The following NELL1 variants were observed in gnomAD, a reference collection of about 807,000 sequenced individuals.
NELL1 encodes neural EGFL like 1.
NELL1 carries 76 observed loss-of-function variants against 107.4 expected under a neutral mutation model. The ratio of observed to expected loss-of-function variants is 0.71; its 90% CI spans 0.59 to 0.86. NELL1 has a LOEUF of 0.86. Among genes scored for constraint, NELL1 ranks in the 40% least tolerant of loss-of-function variants. The pLI is 0.00. For missense variants in NELL1, 1,024 were observed against 1,005.5 expected (o/e 1.02, Z -0.25); for synonymous variants, 353 against 341.2 (o/e 1.03, Z -0.38).
chr11:20,669,733 G>C lies in NELL1; in HGVS notation c.10G>C (p.Asp4His). 1 of 1,613,680 alleles carries C rather than the reference G, an allele frequency of 6.2e-7. No individual in the cohort carries two copies. The highest frequency in any genetic ancestry group is 8.5e-7 in the Non-Finnish European group (1 of 1,179,744). The change falls in exon 1 of 20, where the codon GAT (aspartate) becomes CAT (histidine). Residue 4 changes from aspartate (D) to histidine (H), a missense_variant. Transcript: ENST00000357134. The surrounding 1 kb of genome is among the most constrained non-coding windows in gnomAD (Gnocchi z 4.4). The stretch of plus-strand genomic sequence containing the variant: ...GGGACCCTCGAGAGCGATGCCGATG[G>C]ATTTGATTTTAGTTGTGTGGTTCTG... MPM[D>H]LILVVWFCVC...
intron 14 of NELL1, among the ~76,000 whole-genome samples, chr11:21,240,766 T>TGGGGG (rs150046714): frequency 7.9e-4 from 49 of 61,962 alleles, no homozygotes; most frequent in Non-Finnish European, 8.5e-4. Context: ...GCCTTTCTAG[T>TGGGGG]GGGGGGGGGG....
At chr11:21,522,107 G>C (rs181023772) in intron 15 of NELL1, among the ~76,000 whole-genome samples, 1 of 151,986 alleles carries the variant, frequency 6.6e-6, no homozygotes, top group Non-Finnish European at 1.5e-5. Flanking sequence ...AAAGATACCT[G>C]CCTGTAGTCC....
intron 13 of NELL1, among the ~76,000 whole-genome samples, chr11:21,213,224 ATAT>A (rs1239636940): frequency 6.6e-6 from 1 of 152,126 alleles, no homozygotes; most frequent in African/African-American, 2.4e-5. Context: ...AAGGAATAAA[ATAT>A]TATATAAGTA....
chr11:21,350,361 C>CT (rs35396218), intron 14 of NELL1, among the ~76,000 whole-genome samples: 50,019 of 149,698 alleles, frequency 0.33, 8,526 homozygotes, highest in Non-Finnish European at 0.39. Context: ...TGAGCAAGAT[C>CT]TTTTTAAAAA....
chr11:21,397,846 G>C (rs1385203602), intron 15 of NELL1, among the ~76,000 whole-genome samples: 1 of 151,410 alleles, frequency 6.6e-6, no homozygotes, highest in Non-Finnish European at 1.5e-5. Context: ...CCTTATATTA[G>C]AGGCCCAAGG....
At chr11:21,281,742 A>G (rs1411415225) in intron 14 of NELL1, among the ~76,000 whole-genome samples, 2 of 152,024 alleles carry the variant, frequency 1.3e-5, no homozygotes, top group African/African-American at 4.8e-5. Context: ...AAAGAGAAGA[A>G]GAGTCTCTGC....
chr11:21,406,975 C>T (rs1453508287), intron 15 of NELL1, among the ~76,000 whole-genome samples: 1 of 152,066 alleles, frequency 6.6e-6, no homozygotes, highest in Non-Finnish European at 1.5e-5. Context: ...CTTCACCCTC[C>T]TATCCTTCCT....
intron 4 of NELL1, among the ~76,000 whole-genome samples, chr11:20,869,702 T>C (rs1017304391): frequency 6.6e-6 from 1 of 152,252 alleles, no homozygotes; most frequent in African/African-American, 2.4e-5. Flanking sequence ...TATAAAATGC[T>C]GATTACATCA....
intron 2 of NELL1, among the ~76,000 whole-genome samples, chr11:20,746,085 C>A (rs549276727): frequency 2.7e-4 from 41 of 152,060 alleles, no homozygotes; most frequent in Non-Finnish European, 5.3e-4. Flanking sequence ...ACTGAGGAGC[C>A]AAACAGTGAC....
chr11:20,983,462 G>T (rs1851789093), intron 12 of NELL1, among the ~76,000 whole-genome samples: 1 of 152,132 alleles, frequency 6.6e-6, no homozygotes, highest in Non-Finnish European at 1.5e-5. Context: ...AAAGATGTAT[G>T]ATCTCTGCCC....
chr11:21,030,866 G>T (rs929040539), intron 12 of NELL1, among the ~76,000 whole-genome samples: 1 of 151,890 alleles, frequency 6.6e-6, no homozygotes. Flanking sequence ...TACTATGCAT[G>T]TATTCTATTA....
intron 2 of NELL1, among the ~76,000 whole-genome samples, chr11:20,751,222 A>G (rs1357625012): frequency 2.0e-5 from 3 of 151,388 alleles, no homozygotes; most frequent in Admixed American, 6.6e-5. Context: ...TTTTCATTTT[A>G]ATTTACATTT....
intron 14 of NELL1, among the ~76,000 whole-genome samples, chr11:21,316,280 C>T (rs554351076): frequency 2.6e-5 from 4 of 151,896 alleles, no homozygotes; most frequent in Non-Finnish European, 4.4e-5. Flanking sequence ...GACATCACAC[C>T]GTCAAAGCTT....
chr11:20,938,907 TG>T (rs1850783019), intron 10 of NELL1, among the ~76,000 whole-genome samples: 2 of 68,420 alleles, frequency 2.9e-5, no homozygotes, highest in Non-Finnish European at 7.2e-5. Flanking sequence ...CTTCTCTCTC[TG>T]TCTCTCTCTC....
At chr11:20,907,212 T>C (rs1429792) in intron 5 of NELL1, among the ~76,000 whole-genome samples, 35,788 of 139,892 alleles carry the variant, frequency 0.26, 5,573 homozygotes, top group African/African-American at 0.43. Context: ...CATTTTACAA[T>C]GGATTCTGTG....
chr11:21,231,070 A>G (rs1858036247), intron 14 of NELL1, among the ~76,000 whole-genome samples: 1 of 152,074 alleles, frequency 6.6e-6, no homozygotes, highest in Non-Finnish European at 1.5e-5. Context: ...ATGGTTTAAA[A>G]CTCTAAACAT....
intron 15 of NELL1, among the ~76,000 whole-genome samples, chr11:21,408,678 C>A (rs1229426116): frequency 6.6e-6 from 1 of 151,960 alleles, no homozygotes; most frequent in Non-Finnish European, 1.5e-5. Flanking sequence ...TTAATTAGAT[C>A]CCATTTGTCA....
At chr11:20,821,363 A>G (rs1326291149) in intron 3 of NELL1, among the ~76,000 whole-genome samples, 1 of 152,184 alleles carries the variant, frequency 6.6e-6, no homozygotes, top group Non-Finnish European at 1.5e-5. Context: ...CCTACACTAC[A>G]GTAAGATGTG....
At chr11:21,391,598 T>A (rs1233265061) in intron 15 of NELL1, among the ~76,000 whole-genome samples, 3 of 151,792 alleles carry the variant, frequency 2.0e-5, no homozygotes, top group African/African-American at 7.3e-5. Flanking sequence ...CAACATTATC[T>A]TCCAAATTAA....
Sources: gnomAD v4.1 joint callset for allele counts (sites outside exome capture counted in the v4.1 genomes callset) on GRCh38, gnomAD v4.1.1 for gene constraint, Gnocchi (gnomAD v3.1) non-coding constraint, MANE v1.5 for transcripts, NCBI Gene and HGNC (gene_info 2026-07-23, HGNC 2026-07-21) for gene names.